Variants in TMEM131 observed in about 807,000 individuals in gnomAD.
TMEM131 encodes transmembrane protein 131.
Under a neutral mutation model 211.6 loss-of-function variants are expected in TMEM131, and 66 were observed. That is an observed-to-expected ratio of 0.31 (90% CI 0.26 to 0.38). The LOEUF (loss-of-function observed/expected upper bound fraction) is 0.38, where lower values mean the gene tolerates loss of function less well. TMEM131 is among the 10% of genes least tolerant of loss of function. The pLI is 1.00. For missense variants in TMEM131, 2,036 were observed against 2,299.3 expected (o/e 0.89, Z 2.34); for synonymous variants, 844 against 841.3 (o/e 1.00, Z -0.06).
At chr2:97,897,978 T>C (rs1349985348) in intron 3 of TMEM131, among the ~76,000 whole-genome samples, 2 of 152,138 alleles carry the variant, frequency 1.3e-5, no homozygotes, top group Admixed American at 1.3e-4. Context: ...TTCATCTAAA[T>C]TGCTGAATTT....
chr2:97,782,090 G>A (rs560662090), intron 31 of TMEM131, among the ~76,000 whole-genome samples: 5 of 152,318 alleles, frequency 3.3e-5, no homozygotes, highest in African/African-American at 4.8e-5. Context: ...AGTAATGAAC[G>A]CCCTTCCTGG....
intron 5 of TMEM131, among the ~76,000 whole-genome samples, chr2:97,849,717 C>CT (rs11320615): frequency 0.017 from 1,769 of 103,772 alleles, 20 homozygotes; most frequent in Non-Finnish European, 0.023. Context: ...CTCTCTCTCT[C>CT]TTTTTTTTTT....
chr2:97,995,206 C>G (rs1381275853), intron 1 of TMEM131, among the ~76,000 whole-genome samples: 1 of 152,254 alleles, frequency 6.6e-6, no homozygotes, highest in Admixed American at 6.5e-5. Context: ...CCCCTCCTAC[C>G]TAGCGGGCCA....
At position 97,759,637 on chromosome 2, in the gene TMEM131, G is replaced by A. The variant is rs747422249; in HGVS notation, c.5206+15C>T. On this transcript the variant is annotated intron_variant, in intron 39 of 40. Coordinates refer to ENST00000186436, the MANE Select transcript of TMEM131 (RefSeq NM_015348.2). ...CACAGGCTTATTAGTTACACATCTA[G>A]TGTTAAACACTCACCACCAGTTAGA... 9 of 1,593,718 alleles carry A rather than the reference G, an allele frequency of 5.6e-6. No individual in the cohort carries two copies. The Admixed American group carries it at 1.5e-4, about 27-fold the overall frequency.
chr2:97,956,712 T>C (rs1573613778), intron 1 of TMEM131, among the ~76,000 whole-genome samples: 1 of 152,130 alleles, frequency 6.6e-6, no homozygotes. Context: ...CTACTAAACA[T>C]GACTTTTGTA....
At chr2:97,908,424 G>C (rs1042117699) in intron 3 of TMEM131, among the ~76,000 whole-genome samples, 3 of 152,174 alleles carry the variant, frequency 2.0e-5, no homozygotes, top group Non-Finnish European at 2.9e-5. Context: ...AGTTTCAGCT[G>C]AGTAACAGCC....
intron 11 of TMEM131, among the ~76,000 whole-genome samples, chr2:97,829,409 G>A (rs1171005031): frequency 6.6e-6 from 1 of 152,146 alleles, no homozygotes; most frequent in Non-Finnish European, 1.5e-5. Context: ...TCTGTGTCTA[G>A]CTAAAGGATT....
At chr2:97,818,481 G>GGGGGAAAAAA (rs796772650) in intron 12 of TMEM131, 132 bp downstream of exon 12, 6 of 293,266 alleles carry the variant, frequency 2.0e-5, no homozygotes, top group Non-Finnish European at 3.2e-5. Context: ...GGCGGGGGGG[G>GGGGGAAAAAA]ATCAACCTAA....
rs143743993 is a variant in TMEM131, at chr2:97,874,277, G to A, written c.359+13775C>T. Reference sequence around the variant, plus strand: ...TGTACCTGAAAGTGACAAGGAGAATGGAACCAAGCTAGAAAACACTCTTCA... The same window carrying A: ...TGTACCTGAAAGTGACAAGGAGAATAGAACCAAGCTAGAAAACACTCTTCA... On this transcript the variant is annotated intron_variant, in intron 4 of 40. Coordinates refer to ENST00000186436, the MANE Select transcript of TMEM131 (RefSeq NM_015348.2). Among the ~76,000 whole-genome samples the A allele has an allele frequency of 3.0e-3, 458 of 152,324 alleles. 1 individual carries two copies. Among genetic ancestry groups the A allele is most frequent in the Non-Finnish European group, 5.6e-3 (382 of 68,026 alleles).
rs1403247918 is a variant in TMEM131 at position 97,804,638 on chromosome 2, A to G, written c.2402+450T>C. On this transcript the variant is annotated intron_variant, in intron 22 of 40. Coordinates refer to ENST00000186436, the MANE Select transcript of TMEM131 (RefSeq NM_015348.2). ...CTCCGTCTCAAAAAAAAAAAAAAAA[A>G]AAAAAGGAAGGAGGTATTCTTTTCA... 5.9e-5 allele frequency among the ~76,000 whole-genome samples: 9 copies of G among 152,040 alleles called. No individual in the cohort carries two copies. The South Asian group carries it at 1.2e-3, about 21-fold the overall frequency.
chr2:97,780,893 A>C (rs1237188179), intron 31 of TMEM131, among the ~76,000 whole-genome samples: 1 of 152,200 alleles, frequency 6.6e-6, no homozygotes, highest in African/African-American at 2.4e-5. Flanking sequence ...TGAAGTGACC[A>C]AGTGAGAAAT....
intron 1 of TMEM131, among the ~76,000 whole-genome samples, chr2:97,982,926 A>G (rs80241360): frequency 0.026 from 3,920 of 152,190 alleles, 93 homozygotes; most frequent in Non-Finnish European, 0.037. Flanking sequence ...CAGCCCCAAC[A>G]CCCTTGTTGG....
chr2:97,992,508 A>G (rs1430214245), intron 1 of TMEM131, among the ~76,000 whole-genome samples: 1 of 152,236 alleles, frequency 6.6e-6, no homozygotes, highest in Non-Finnish European at 1.5e-5. Context: ...ATTGTCATAA[A>G]TTGAAACATT....
At chr2:97,812,148 A>G (rs1253323990) in intron 17 of TMEM131, among the ~76,000 whole-genome samples, 1 of 152,230 alleles carries the variant, frequency 6.6e-6, no homozygotes, top group African/African-American at 2.4e-5. Flanking sequence ...TCTCTCCTGT[A>G]ATGACACTTG....
chr2:97,821,863 T>A (rs55887737), intron 11 of TMEM131, among the ~76,000 whole-genome samples: 2 of 152,106 alleles, frequency 1.3e-5, no homozygotes, highest in Non-Finnish European at 2.9e-5. Flanking sequence ...GTTGGGAGCA[T>A]TGGTTTGCCT....
intron 6 of TMEM131, among the ~76,000 whole-genome samples, chr2:97,842,956 C>A (rs1683266051): frequency 6.6e-6 from 1 of 151,934 alleles, no homozygotes; most frequent in African/African-American, 2.4e-5. Flanking sequence ...AAGATTTACT[C>A]ACCATACATA....
At chr2:97,790,963 C>T (rs1680473836) in intron 31 of TMEM131, among the ~76,000 whole-genome samples, 1 of 152,182 alleles carries the variant, frequency 6.6e-6, no homozygotes, top group Non-Finnish European at 1.5e-5. Flanking sequence ...TCTGGGATGT[C>T]AAGTTTCTTC....
intron 1 of TMEM131, among the ~76,000 whole-genome samples, chr2:97,985,356 C>CATATAT (rs138134108): frequency 3.8e-4 from 57 of 151,052 alleles, no homozygotes; most frequent in African/African-American, 1.2e-3. Flanking sequence ...TTACTTAATA[C>CATATAT]ATATATATAT....
At chr2:97,761,265 G>A (rs1241406046) in intron 36 of TMEM131, 1 of 198,426 alleles carries the variant, frequency 5.0e-6, no homozygotes, top group Non-Finnish European at 1.0e-5. Flanking sequence ...AAAGGGCGGG[G>A]CCTCAGGGAG....
Sources: gnomAD v4.1 joint callset for allele counts (sites outside exome capture counted in the v4.1 genomes callset) on GRCh38, gnomAD v4.1.1 for gene constraint, MANE v1.5 for transcripts, NCBI Gene and HGNC (gene_info 2026-07-23, HGNC 2026-07-21) for gene names.